The following DDAH1 variants were observed in gnomAD, a reference collection of about 807,000 sequenced individuals.
The protein encoded by DDAH1 is N(G),N(G)-dimethylarginine dimethylaminohydrolase 1.
A neutral mutation model predicts 28.8 loss-of-function variants in DDAH1; 19 were observed. The ratio of observed to expected loss-of-function variants is 0.66; its 90% CI spans 0.46 to 0.97. The LOEUF (loss-of-function observed/expected upper bound fraction) is 0.97, where lower values mean the gene tolerates loss of function less well. Ranked by LOEUF, DDAH1 falls within the 50% of genes least tolerant of loss-of-function variation. The pLI is 0.00. For synonymous variants in DDAH1, 153 were observed against 154.4 expected (o/e 0.99, Z 0.07); for missense variants, 326 against 375.9 (o/e 0.87, Z 1.10).
At chr1:85,539,267 C>A (rs1658395904) in intron 1 of DDAH1, among the ~76,000 whole-genome samples, 1 of 152,132 alleles carries the variant, frequency 6.6e-6, no homozygotes, top group Non-Finnish European at 1.5e-5. Context: ...CTGCCTCAGC[C>A]TCCCATGTAG....
At chr1:85,430,806 T>G (rs1179526092) in intron 1 of DDAH1, among the ~76,000 whole-genome samples, 1 of 151,980 alleles carries the variant, frequency 6.6e-6, no homozygotes, top group Non-Finnish European at 1.5e-5. Context: ...GATGATGGGG[T>G]TTTCTAAATA....
chr1:85,408,114 A>C (rs1652492052), intron 1 of DDAH1, among the ~76,000 whole-genome samples: 1 of 152,230 alleles, frequency 6.6e-6, no homozygotes, highest in Admixed American at 6.5e-5. Context: ...CTATAATAAA[A>C]ATAATCCATG....
chr1:85,360,949 C>T (rs1239901494), intron 1 of DDAH1, among the ~76,000 whole-genome samples: 9 of 152,196 alleles, frequency 5.9e-5, no homozygotes, highest in Non-Finnish European at 1.2e-4. Flanking sequence ...AAACAGTCAT[C>T]AGGATAGGTC....
intron 1 of DDAH1, among the ~76,000 whole-genome samples, chr1:85,391,823 T>C (rs936800279): frequency 1.3e-5 from 2 of 152,108 alleles, no homozygotes; most frequent in Admixed American, 6.5e-5. Context: ...AAGCAGGACA[T>C]TGGAAAAGAG....
intron 1 of DDAH1, among the ~76,000 whole-genome samples, chr1:85,383,018 C>T (rs1651073399): frequency 1.3e-5 from 2 of 152,314 alleles, no homozygotes; most frequent in Admixed American, 6.5e-5. Flanking sequence ...GCTTTTTTTA[C>T]ACCTGCTGAC....
At chr1:85,331,096 T>G (rs773790275) in intron 4 of DDAH1, among the ~76,000 whole-genome samples, 2 of 151,994 alleles carry the variant, frequency 1.3e-5, no homozygotes, top group African/African-American at 4.8e-5. Flanking sequence ...CAAAATAGAG[T>G]GGGAACTGTC....
At chr1:85,397,292 TG>T (rs1557578083) in intron 1 of DDAH1, among the ~76,000 whole-genome samples, 1 of 152,148 alleles carries the variant, frequency 6.6e-6, no homozygotes, top group African/African-American at 2.4e-5. Flanking sequence ...ATGGAAAGAA[TG>T]GAAAAAATTC....
At chr1:85,520,404 CA>C (rs1266365745) in intron 1 of DDAH1, among the ~76,000 whole-genome samples, 1 of 152,134 alleles carries the variant, frequency 6.6e-6, no homozygotes, top group Non-Finnish European at 1.5e-5. Flanking sequence ...CTAGGGCAGA[CA>C]GGGAAATGTA....
At chr1:85,452,101 G>A (rs1654690733) in intron 1 of DDAH1, among the ~76,000 whole-genome samples, 1 of 152,114 alleles carries the variant, frequency 6.6e-6, no homozygotes, top group Non-Finnish European at 1.5e-5. Flanking sequence ...GCATTTTGCT[G>A]CCTTTGGATG....
chr1:85,374,831 T>A (rs1186519119), intron 1 of DDAH1, among the ~76,000 whole-genome samples: 2 of 152,144 alleles, frequency 1.3e-5, no homozygotes, highest in South Asian at 2.1e-4. Flanking sequence ...TTGCTTTAAA[T>A]TAGATTTTCT....
intron 1 of DDAH1, among the ~76,000 whole-genome samples, chr1:85,556,883 G>A (rs779361757): frequency 7.9e-5 from 12 of 152,164 alleles, no homozygotes; most frequent in South Asian, 6.2e-4. Flanking sequence ...TTGGGAGGCC[G>A]AGGCGGGCTG....
chr1:85,535,031 G>A (rs1166084315), intron 1 of DDAH1, among the ~76,000 whole-genome samples: 3 of 151,112 alleles, frequency 2.0e-5, no homozygotes, highest in African/African-American at 2.4e-5. Context: ...TTTTTTTCCC[G>A]TGGAAATGAG....
intron 1 of DDAH1, among the ~76,000 whole-genome samples, chr1:85,390,102 C>T (rs1211906108): frequency 1.3e-5 from 2 of 152,086 alleles, no homozygotes; most frequent in Admixed American, 1.3e-4. Flanking sequence ...TAAGTCAAGC[C>T]CAGTCCTGCC....
chr1:85,393,232 G>A (rs1651645381), intron 1 of DDAH1, among the ~76,000 whole-genome samples: 1 of 152,144 alleles, frequency 6.6e-6, no homozygotes, highest in African/African-American at 2.4e-5. Flanking sequence ...CTCTGAAGGA[G>A]ATATTATTAC....
chr1:85,558,121 C>T (rs964803877), intron 1 of DDAH1, among the ~76,000 whole-genome samples: 9 of 151,470 alleles, frequency 5.9e-5, no homozygotes, highest in African/African-American at 2.2e-4. Flanking sequence ...AATCCCAGCA[C>T]TTTAGGAGGC....
chr1:85,426,192 T>C (rs1039256534), intron 1 of DDAH1, among the ~76,000 whole-genome samples: 2 of 152,246 alleles, frequency 1.3e-5, no homozygotes, highest in African/African-American at 4.8e-5. Flanking sequence ...GTTTTCCCAT[T>C]CCTTGTTTCC....
chr1:85,379,726 C>T, intron 1 of DDAH1: 2 of 984,408 alleles, frequency 2.0e-6, no homozygotes, highest in Non-Finnish European at 2.4e-6. Flanking sequence ...ATTTCCCAAA[C>T]CTGCTGGCAT....
intron 1 of DDAH1, among the ~76,000 whole-genome samples, chr1:85,532,494 A>C (rs1367552840): frequency 6.6e-6 from 1 of 152,148 alleles, no homozygotes; most frequent in Non-Finnish European, 1.5e-5. Flanking sequence ...TGCGATGAAT[A>C]AAATCTAACA....
intron 1 of DDAH1, among the ~76,000 whole-genome samples, chr1:85,363,466 A>C (rs1649894684): frequency 6.6e-6 from 1 of 152,224 alleles, no homozygotes; most frequent in South Asian, 2.1e-4. Flanking sequence ...GGAGCTTTAA[A>C]ATTATAGAAT....
Sources: allele counts gnomAD v4.1 joint callset (sites outside exome capture counted in the v4.1 genomes callset), GRCh38; gene constraint gnomAD v4.1.1; transcripts MANE v1.5; gene names NCBI Gene and HGNC (gene_info 2026-07-23, HGNC 2026-07-21).